SLC35F4: variants seen among roughly 807,000 people sequenced by gnomAD.
SLC35F4 encodes the protein solute carrier family 35 member F4.
Under a neutral mutation model 44.2 loss-of-function variants are expected in SLC35F4, and 24 were observed. That is an observed-to-expected ratio of 0.54 (90% CI 0.39 to 0.76). SLC35F4 has a LOEUF of 0.76. Ranked by LOEUF, SLC35F4 falls within the 30% of genes least tolerant of loss-of-function variation. The probability of loss-of-function intolerance (pLI) is 0.00; values close to 1 mark genes in which losing one functional copy is unlikely to be tolerated. For synonymous variants in SLC35F4, 238 were observed against 223.6 expected, an observed-to-expected ratio of 1.06 and a Z score of -0.57; for missense variants, 562 against 586.1, an observed-to-expected ratio of 0.96 and a Z score of 0.42.
chr14:57,926,327 G>GT (rs1889567878), intron 1 of SLC35F4, among the ~76,000 whole-genome samples: 1 of 152,124 alleles, frequency 6.6e-6, no homozygotes, highest in Non-Finnish European at 1.5e-5. Context: ...TATTTCTATG[G>GT]TTTTTTTAGA....
At chr14:57,596,945 C>A in intron 1 of SLC35F4, 1 of 1,281,706 alleles carries the variant, frequency 7.8e-7, no homozygotes, top group Non-Finnish European at 1.0e-6. Context: ...TTTAAACTTC[C>A]AAGCCAGACC....
chr14:57,817,442 G>A (rs542712667), intron 1 of SLC35F4, among the ~76,000 whole-genome samples: 9 of 152,198 alleles, frequency 5.9e-5, no homozygotes, highest in African/African-American at 1.7e-4. Flanking sequence ...GGTGCTTCAC[G>A]TGACGAGGCT....
At chr14:57,734,809 T>G (rs910512422) in intron 1 of SLC35F4, among the ~76,000 whole-genome samples, 1 of 152,186 alleles carries the variant, frequency 6.6e-6, no homozygotes, top group Non-Finnish European at 1.5e-5. Context: ...AATACCCAGG[T>G]CCACTGTCAT....
At chr14:57,938,495 G>C (rs2141071341) in intron 1 of SLC35F4, among the ~76,000 whole-genome samples, 1 of 152,288 alleles carries the variant, frequency 6.6e-6, no homozygotes, top group Non-Finnish European at 1.5e-5. Context: ...CTATAAAATG[G>C]AGAGAACTAT....
intron 1 of SLC35F4, among the ~76,000 whole-genome samples, chr14:57,877,936 C>A (rs1322803281): frequency 6.6e-6 from 1 of 151,998 alleles, no homozygotes; most frequent in African/African-American, 2.4e-5. Flanking sequence ...CATCCTGACT[C>A]AGCCTCCCAA....
chr14:57,570,498 TC>T (rs1333237655), intron 5 of SLC35F4, among the ~76,000 whole-genome samples: 1 of 152,190 alleles, frequency 6.6e-6, no homozygotes, highest in African/African-American at 2.4e-5. Context: ...TGGTGCTTGT[TC>T]CCCAGATTAA....
rs1887775505 is a variant in SLC35F4 at position 57,862,601 on chromosome 14, C to T, written c.103+3122G>A. ...CTCCAGCATGCTAGTTGTACTCTACCTCAGATCTTTGCGCTAGCTATTCCC... is the reference window on the plus strand; with the variant it reads ...CTCCAGCATGCTAGTTGTACTCTACTTCAGATCTTTGCGCTAGCTATTCCC... On this transcript the variant is annotated intron_variant, in intron 1 of 7. Transcript: ENST00000556826. Among the ~76,000 whole-genome samples the T allele has an allele frequency of 2.0e-5, 3 of 152,320 alleles. No homozygotes were observed. The South Asian group carries it at 6.2e-4, about 32-fold the overall frequency.
Position 57,564,196 on chromosome 14 carries a change from G to C in SLC35F4, c.1397C>G (p.Pro466Arg), listed in dbSNP as rs1487703713. 1 of 1,613,590 alleles carries C rather than the reference G, an allele frequency of 6.2e-7. No individual in the cohort carries two copies. Among genetic ancestry groups the C allele is most frequent in the South Asian group, 1.1e-5 (1 of 91,024 alleles). The change falls in exon 8 of 8, where the codon CCC becomes CGC. Residue 466 changes from proline to arginine, a missense_variant. Physicochemically the swap from Pro to Arg is moderately radical, Grantham distance 103 (BLOSUM62 -2). Transcript: ENST00000556826. The part of the protein sequence containing the change: ...SEEHVDDVTD[P>R]SIHLRGRGRA... ...GCCTCTGCCCCGCAGGTGTATGCTG[G>C]GATCAGTCACATCATCCACATGCTC...
At chr14:57,811,835 A>C (rs1346021429) in intron 1 of SLC35F4, among the ~76,000 whole-genome samples, 1 of 152,154 alleles carries the variant, frequency 6.6e-6, no homozygotes, top group Non-Finnish European at 1.5e-5. Context: ...TTTAAAAATT[A>C]GCTGGGCGTG....
chr14:57,827,785 C>T (rs1334746852), intron 1 of SLC35F4, among the ~76,000 whole-genome samples: 10 of 138,846 alleles, frequency 7.2e-5, no homozygotes, highest in South Asian at 4.6e-4. Context: ...GCAATACTTC[C>T]CTTCACTCCT....
At chr14:57,970,467 G>A (rs1398041754) in intron 1 of SLC35F4, among the ~76,000 whole-genome samples, 1 of 152,106 alleles carries the variant, frequency 6.6e-6, no homozygotes, top group East Asian at 1.9e-4. Flanking sequence ...GTTGTCTTTT[G>A]CTAAAAGAGT....
At chr14:57,783,707 C>T (rs2077687087) in intron 1 of SLC35F4, among the ~76,000 whole-genome samples, 2 of 152,162 alleles carry the variant, frequency 1.3e-5, no homozygotes, top group African/African-American at 4.8e-5. Context: ...CCTTTAAAGT[C>T]CTTTTGACAT....
At chr14:57,681,844 A>G (rs992293635) in intron 1 of SLC35F4, among the ~76,000 whole-genome samples, 11 of 151,826 alleles carry the variant, frequency 7.2e-5, no homozygotes, top group Admixed American at 6.5e-5. Flanking sequence ...GGATATGAAC[A>G]GACACTTCTC....
At chr14:57,694,402 G>A (rs934332131) in intron 1 of SLC35F4, among the ~76,000 whole-genome samples, 1 of 152,118 alleles carries the variant, frequency 6.6e-6, no homozygotes, top group Non-Finnish European at 1.5e-5. Flanking sequence ...CTTTTTGTGT[G>A]CCTTGCTTTT....
At chr14:57,657,473 A>T (rs2074003960) in intron 1 of SLC35F4, among the ~76,000 whole-genome samples, 1 of 152,166 alleles carries the variant, frequency 6.6e-6, no homozygotes, top group African/African-American at 2.4e-5. Context: ...TATTTCTGGC[A>T]TGACATAATT....
chr14:57,924,239 T>C (rs923073597), intron 1 of SLC35F4, among the ~76,000 whole-genome samples: 1 of 152,206 alleles, frequency 6.6e-6, no homozygotes, highest in African/African-American at 2.4e-5. Flanking sequence ...AGCTGGGTAA[T>C]TTATAAAGAA....
chr14:57,822,720 TTATC>T (rs1380748726), intron 1 of SLC35F4, among the ~76,000 whole-genome samples: 4 of 152,178 alleles, frequency 2.6e-5, no homozygotes, highest in Admixed American at 2.6e-4. Context: ...AGGGTTCTGA[TTATC>T]TATTGCTGAA....
intron 1 of SLC35F4, among the ~76,000 whole-genome samples, chr14:57,675,675 T>G (rs1594770994): frequency 1.3e-5 from 2 of 152,092 alleles, no homozygotes; most frequent in Non-Finnish European, 2.9e-5. Context: ...TTTATTACTT[T>G]GAGGTAAGTC....
intron 1 of SLC35F4, among the ~76,000 whole-genome samples, chr14:57,902,496 G>T (rs535978552): frequency 2.2e-4 from 34 of 151,780 alleles, no homozygotes; most frequent in African/African-American, 6.8e-4. Flanking sequence ...CTGGGAGGTG[G>T]AGGTTGTGGT....
Sources: allele counts gnomAD v4.1 joint callset (sites outside exome capture counted in the v4.1 genomes callset), GRCh38; gene constraint gnomAD v4.1.1; transcripts MANE v1.5; gene names NCBI Gene and HGNC (gene_info 2026-07-23, HGNC 2026-07-21).